Variants in NRXN3 observed in about 807,000 individuals in gnomAD.
The protein encoded by NRXN3 is neurexin 3.
In NRXN3, 32 loss-of-function variants were observed where a neutral mutation model predicts 137.6. That is an observed-to-expected ratio of 0.23 (90% CI 0.18 to 0.31). The LOEUF (loss-of-function observed/expected upper bound fraction) is 0.31, where lower values mean the gene tolerates loss of function less well. Ranked by LOEUF, NRXN3 falls within the 10% of genes least tolerant of loss-of-function variation. NRXN3 has a pLI of 1.00. For missense variants in NRXN3, 1,574 were observed against 2,062.5 expected, an observed-to-expected ratio of 0.76 and a Z score of 4.59; for synonymous variants, 798 against 784.5, an observed-to-expected ratio of 1.02 and a Z score of -0.29.
At chr14:78,172,643 C>T (rs892684509) in intron 1 of NRXN3, among the ~76,000 whole-genome samples, 103 of 152,160 alleles carry the variant, frequency 6.8e-4, no homozygotes, top group African/African-American at 2.4e-3. Flanking sequence ...AGTCAGTCTT[C>T]CTTCTGGAAG....
intron 16 of NRXN3, among the ~76,000 whole-genome samples, chr14:79,541,586 A>G (rs988909909): frequency 3.3e-5 from 5 of 152,198 alleles, no homozygotes; most frequent in African/African-American, 9.6e-5. Flanking sequence ...AAGATGAGCT[A>G]TAGGCCTGAT....
chr14:79,600,358 G>A (rs138950652), intron 16 of NRXN3, among the ~76,000 whole-genome samples: 6 of 152,266 alleles, frequency 3.9e-5, no homozygotes, highest in African/African-American at 1.4e-4. Context: ...TCTCTGAATG[G>A]AAGAAAGTGT....
In NRXN3 at chr14:79,806,197, T is replaced by G. The variant is rs1204074292; in HGVS notation, c.4093+1007T>G. Among the ~76,000 whole-genome samples the G allele has an allele frequency of 2.0e-5, 3 of 152,296 alleles. No homozygotes were observed. The South Asian group carries it at 6.2e-4, about 32-fold the overall frequency. ...GTTATTTTTTGCATTGCTTTCAGAT[T>G]TTTTTCCTTTTAAGAAAAGGAAAGC... is the stretch of plus-strand genomic sequence containing the variant. On this transcript the variant is annotated intron_variant, in intron 20 of 20. Coordinates refer to ENST00000335750, the MANE Select transcript of NRXN3 (RefSeq NM_001330195.2).
At chr14:78,808,721 A>G (rs2153092944) in intron 9 of NRXN3, among the ~76,000 whole-genome samples, 1 of 152,270 alleles carries the variant, frequency 6.6e-6, no homozygotes, top group Non-Finnish European at 1.5e-5. Flanking sequence ...TCTTCTCGGG[A>G]ACAAATAAGC....
intron 8 of NRXN3, among the ~76,000 whole-genome samples, chr14:78,747,309 C>T (rs575011540): frequency 1.1e-4 from 16 of 152,258 alleles, no homozygotes; most frequent in Admixed American, 2.0e-4. Flanking sequence ...TTACTTCTTA[C>T]GAAGATGAAA....
intron 8 of NRXN3, among the ~76,000 whole-genome samples, chr14:78,788,340 G>A (rs1366595642): frequency 6.6e-6 from 1 of 152,098 alleles, no homozygotes; most frequent in African/African-American, 2.4e-5. Flanking sequence ...CCTTTGTGCT[G>A]GATACATTTT....
chr14:78,660,625 G>A (rs2097831394), intron 6 of NRXN3, among the ~76,000 whole-genome samples: 1 of 152,144 alleles, frequency 6.6e-6, no homozygotes, highest in African/African-American at 2.4e-5. Flanking sequence ...TGACCAAAAA[G>A]GAAGCCAGGA....
chr14:78,487,492 C>T (rs1346765638), intron 4 of NRXN3, among the ~76,000 whole-genome samples: 3 of 152,280 alleles, frequency 2.0e-5, no homozygotes, highest in South Asian at 2.1e-4. Flanking sequence ...CCTGTAATCC[C>T]AACACTTTGG....
chr14:78,845,905 G>GGTGTGTGTGT (rs3034390), intron 10 of NRXN3, among the ~76,000 whole-genome samples: 117 of 146,340 alleles, frequency 8.0e-4, no homozygotes, highest in Middle Eastern at 3.4e-3. Flanking sequence ...AGTATGTTGG[G>GGTGTGTGTGT]GTGTGTGTGT....
At chr14:79,633,532 T>G (rs982066506) in intron 16 of NRXN3, among the ~76,000 whole-genome samples, 2 of 152,216 alleles carry the variant, frequency 1.3e-5, no homozygotes, top group African/African-American at 4.8e-5. Flanking sequence ...ATCTAGCTGT[T>G]TAATGTGTCA....
At position 78,816,442 on chromosome 14, in the gene NRXN3, T is replaced by C. The variant is rs75322124; in HGVS notation, c.2275+6098T>C. Among the ~76,000 whole-genome samples the C allele has an allele frequency of 0.019, 2,964 of 152,252 alleles. 210 individuals carry two copies. The East Asian group carries it at 0.26, about 13-fold the overall frequency. On this transcript the variant is annotated intron_variant, in intron 10 of 20. Coordinates refer to ENST00000335750, the MANE Select transcript of NRXN3 (RefSeq NM_001330195.2). The stretch of plus-strand genomic sequence containing the variant: ...CCAACAAGCTTTTCCACATCTTATT[T>C]TTCCACTAAAAATGTCTTAGAGACT...
chr14:78,199,650 C>G (rs2061504150), intron 1 of NRXN3, among the ~76,000 whole-genome samples: 2 of 152,156 alleles, frequency 1.3e-5, no homozygotes, highest in Admixed American at 6.5e-5. Context: ...TCTCAATGAA[C>G]CCACTCTGCT....
At position 79,131,133 on chromosome 14, in the gene NRXN3, G is replaced by A. The variant is rs192863854; in HGVS notation, c.3262+142992G>A. On this transcript the variant is annotated intron_variant, in intron 15 of 20. Coordinates refer to ENST00000335750, the MANE Select transcript of NRXN3 (RefSeq NM_001330195.2). The stretch of plus-strand genomic sequence containing the variant: ...TTGCCTTTGGTTTGAATTTCCTCCC[G>A]TAGCTCAGAGTAATTTGATCGTCTG... Among the ~76,000 whole-genome samples, 602 of 152,158 alleles carry A rather than the reference G, an allele frequency of 4.0e-3. 2 individuals are homozygous for A. The highest frequency in any genetic ancestry group is 0.013 in the African/African-American group (543 of 41,504).
At position 78,645,166 on chromosome 14, in the gene NRXN3, C is replaced by T; in HGVS notation, c.804C>T (p.Cys268=). The T allele has an allele frequency of 6.3e-7, 1 of 1,588,546 alleles. No individual in the cohort carries two copies. The highest frequency in any genetic ancestry group is 8.5e-7 in the Non-Finnish European group (1 of 1,174,714). Residue 268 remains cysteine, a synonymous_variant, in exon 5 of 21, where the codon TGC becomes TGT. Transcript: ENST00000335750. ...VATFRGSEYL[C]YDLSQNPIQS... ...CTTTCCGAGGCTCAGAGTATCTGTG[C>T]TACGACCTGTCTCAGAACCCGATCC...
chr14:79,156,370 C>G (rs1455071565), intron 15 of NRXN3, among the ~76,000 whole-genome samples: 2 of 151,692 alleles, frequency 1.3e-5, no homozygotes, highest in African/African-American at 4.8e-5. Flanking sequence ...TGATAAGAGG[C>G]TATATTTCAT....
At chr14:79,243,032 A>T (rs924210764) in intron 15 of NRXN3, among the ~76,000 whole-genome samples, 3 of 152,188 alleles carry the variant, frequency 2.0e-5, no homozygotes, top group Non-Finnish European at 2.9e-5. Flanking sequence ...CATTTATTCA[A>T]TTGGCCTTTC....
rs376873926 is a variant in NRXN3 at position 79,833,664 on chromosome 14, T to C, written c.4094-27678T>C. Among the ~76,000 whole-genome samples, 19 of 152,258 alleles carry C rather than the reference T, an allele frequency of 1.2e-4. No homozygotes were observed. The East Asian group carries it at 3.3e-3, about 26-fold the overall frequency. ...AAGGCAGGCAGCTCTTAAATGCTTG[T>C]TCTCACTGAAGTCCTTCTAAAATGA... On this transcript the variant is annotated intron_variant, in intron 20 of 20. Coordinates refer to ENST00000335750, the MANE Select transcript of NRXN3 (RefSeq NM_001330195.2).
chr14:79,428,258 C>T (rs897626761), intron 15 of NRXN3, among the ~76,000 whole-genome samples: 9 of 152,026 alleles, frequency 5.9e-5, no homozygotes, highest in Non-Finnish European at 1.0e-4. Context: ...AATGTAAAGT[C>T]GTCGTATGTT....
At chr14:78,217,275 A>AT (rs1399371013) in intron 1 of NRXN3, among the ~76,000 whole-genome samples, 2 of 152,196 alleles carry the variant, frequency 1.3e-5, no homozygotes, top group Admixed American at 6.5e-5. Flanking sequence ...TCTTAACAAT[A>AT]TTTTTTAAGA....
Sources: gnomAD v4.1 joint callset for allele counts (sites outside exome capture counted in the v4.1 genomes callset) on GRCh38, gnomAD v4.1.1 for gene constraint, MANE v1.5 for transcripts, NCBI Gene and HGNC (gene_info 2026-07-23, HGNC 2026-07-21) for gene names.